AGAP1: variants seen among roughly 807,000 people sequenced by gnomAD.
The protein encoded by AGAP1 is ArfGAP with GTPase domain, ankyrin repeat and PH domain 1.
Under a neutral mutation model 105.3 loss-of-function variants are expected in AGAP1, and 29 were observed. That is an observed-to-expected ratio of 0.28 (90% CI 0.21 to 0.38). AGAP1 has a LOEUF of 0.38. AGAP1 is among the 10% of genes least tolerant of loss of function. The pLI is 1.00. For missense variants in AGAP1, 998 were observed against 1,165.1 expected, an observed-to-expected ratio of 0.86 and a Z score of 2.09; for synonymous variants, 509 against 485.9, an observed-to-expected ratio of 1.05 and a Z score of -0.63.
Position 235,633,455 on chromosome 2 carries a change from A to G in AGAP1, c.164-75724A>G, listed in dbSNP as rs979013585. ...CTAAAAATACAAAAATTAGCCAGGC[A>G]TGGTGGCGGGCTCCTGTAATTCCAG... On this transcript the variant is annotated intron_variant, in intron 1 of 17. Coordinates refer to ENST00000304032, the MANE Select transcript of AGAP1 (RefSeq NM_001037131.3). The surrounding 1 kb of genome is among the most constrained non-coding windows in gnomAD (Gnocchi z 4.8). Among the ~76,000 whole-genome samples, 2 of 152,138 alleles carry G rather than the reference A, an allele frequency of 1.3e-5. No individual in the cohort carries two copies. The highest frequency in any genetic ancestry group is 1.3e-4 in the Admixed American group (2 of 15,276).
chr2:235,759,315 CCTG>C (rs1954217706), intron 6 of AGAP1, among the ~76,000 whole-genome samples: 1 of 151,936 alleles, frequency 6.6e-6, no homozygotes, highest in African/African-American at 2.4e-5. Flanking sequence ...ACTACAGGCG[CCTG>C]CCACCACGCC....
In AGAP1 at chr2:236,098,072, A is replaced by G. The variant is rs573456884; in HGVS notation, c.2115-22120A>G. 7.9e-5 allele frequency among the ~76,000 whole-genome samples: 12 copies of G among 152,298 alleles called. No individual in the cohort carries two copies. In the East Asian group the frequency reaches 2.3e-3, roughly 29 times the overall value. Reference sequence around the variant, plus strand: ...CGTGTGGATAGAGCACATTTTGCTTATCTAAACTTTTGTCAATGAACACTT... The same window carrying G: ...CGTGTGGATAGAGCACATTTTGCTTGTCTAAACTTTTGTCAATGAACACTT... On this transcript the variant is annotated intron_variant, in intron 16 of 17. Transcript: ENST00000304032.
At chr2:236,065,982 A>G (rs2058334595) in intron 16 of AGAP1, among the ~76,000 whole-genome samples, 1 of 152,198 alleles carries the variant, frequency 6.6e-6, no homozygotes, top group African/African-American at 2.4e-5. Flanking sequence ...TGTGGTCGGC[A>G]TGTGTCAGCA....
intron 13 of AGAP1, among the ~76,000 whole-genome samples, chr2:235,984,802 A>G (rs910394084): frequency 1.2e-4 from 18 of 152,068 alleles, no homozygotes; most frequent in African/African-American, 4.1e-4. Flanking sequence ...TTATGGCTGC[A>G]TAGTATTCCA....
rs773113522 is a variant in AGAP1, at chr2:236,050,471, A to G, written c.2114+1190A>G. ...ATGCTCTATAGTGTAGACAGGGGTA[A>G]GTTTCTTACAAACCGAAGAAATTAT... On this transcript the variant is annotated intron_variant, in intron 16 of 17. Coordinates refer to ENST00000304032, the MANE Select transcript of AGAP1 (RefSeq NM_001037131.3). The surrounding 1 kb of genome is among the most constrained non-coding windows in gnomAD (Gnocchi z 4.0). Among the ~76,000 whole-genome samples, 1 of 152,146 alleles carries G rather than the reference A, an allele frequency of 6.6e-6. No individual in the cohort carries two copies. Among genetic ancestry groups the G allele is most frequent in the Admixed American group, 6.5e-5 (1 of 15,280 alleles).
At chr2:235,974,966 A>T (rs779951763) in intron 13 of AGAP1, among the ~76,000 whole-genome samples, 2 of 152,246 alleles carry the variant, frequency 1.3e-5, no homozygotes, top group Non-Finnish European at 2.9e-5. Flanking sequence ...GTCAGGCAGA[A>T]TATTCGAGAA....
chr2:235,920,271 A>G (rs1559647973), intron 11 of AGAP1, among the ~76,000 whole-genome samples: 1 of 152,170 alleles, frequency 6.6e-6, no homozygotes, highest in African/African-American at 2.4e-5. Context: ...AGCGTCTGAC[A>G]TGGTAAATAT....
chr2:235,674,018 G>A (rs893689127), intron 1 of AGAP1, among the ~76,000 whole-genome samples: 1 of 152,230 alleles, frequency 6.6e-6, no homozygotes, highest in Non-Finnish European at 1.5e-5. Context: ...TCCTACATAC[G>A]TGTACCTTTG....
At position 235,642,472 on chromosome 2, in the gene AGAP1, G is replaced by A. The variant is rs1947230049; in HGVS notation, c.164-66707G>A. Reference sequence around the variant, plus strand: ...CCACAGCAGCAGCCCTCTGGATGGGGATTTGGGTCTTGGTTTTGCCAGCAC... The same window carrying A: ...CCACAGCAGCAGCCCTCTGGATGGGAATTTGGGTCTTGGTTTTGCCAGCAC... On this transcript the variant is annotated intron_variant, in intron 1 of 17. Coordinates refer to ENST00000304032, the MANE Select transcript of AGAP1 (RefSeq NM_001037131.3). The surrounding 1 kb of genome is among the most constrained non-coding windows in gnomAD (Gnocchi z 4.1). Among the ~76,000 whole-genome samples the A allele has an allele frequency of 1.4e-5, 2 of 144,262 alleles. No individual in the cohort carries two copies. The highest frequency in any genetic ancestry group is 6.9e-5 in the Admixed American group (1 of 14,468). The allele number at this position is 144,262 out of a possible 152,430, so 94.6% of individuals were successfully genotyped here.
At chr2:235,583,129 AG>A (rs1944988651) in intron 1 of AGAP1, among the ~76,000 whole-genome samples, 4 of 152,358 alleles carry the variant, frequency 2.6e-5, no homozygotes, top group African/African-American at 9.6e-5. Flanking sequence ...CAAGTGGGCC[AG>A]GGTCAGGTGT....
At chr2:235,544,883 C>T (rs895807883) in intron 1 of AGAP1, among the ~76,000 whole-genome samples, 11 of 152,082 alleles carry the variant, frequency 7.2e-5, no homozygotes, top group African/African-American at 2.2e-4. Context: ...TCTCAATACT[C>T]GAGTATTCTT....
intron 16 of AGAP1, among the ~76,000 whole-genome samples, chr2:236,112,866 G>A (rs906568953): frequency 2.6e-5 from 4 of 152,222 alleles, no homozygotes; most frequent in Admixed American, 2.0e-4. Context: ...GAAGGCGGGG[G>A]CCAGATTGGG....
chr2:235,730,013 G>A (rs1489857555), intron 3 of AGAP1, among the ~76,000 whole-genome samples: 1 of 152,040 alleles, frequency 6.6e-6, no homozygotes, highest in African/African-American at 2.4e-5. Context: ...GGATTTCTTA[G>A]TTTCTCCATG....
intron 9 of AGAP1, among the ~76,000 whole-genome samples, chr2:235,829,130 C>T (rs1959183543): frequency 6.6e-6 from 1 of 152,212 alleles, no homozygotes; most frequent in Non-Finnish European, 1.5e-5. Context: ...ACCTGCGTTT[C>T]CCTGTTTGTT....
intron 16 of AGAP1, among the ~76,000 whole-genome samples, chr2:236,064,327 C>T (rs566840347): frequency 6.6e-6 from 1 of 152,228 alleles, no homozygotes; most frequent in Non-Finnish European, 1.5e-5. Flanking sequence ...CCGTGGCTCG[C>T]GCCTGTAATC....
chr2:235,506,213 G>A (rs1345393804), intron 1 of AGAP1, among the ~76,000 whole-genome samples: 1 of 152,182 alleles, frequency 6.6e-6, no homozygotes, highest in Non-Finnish European at 1.5e-5. Flanking sequence ...TTACAGGCAT[G>A]AGCCACTGTG....
intron 16 of AGAP1, among the ~76,000 whole-genome samples, chr2:236,086,222 G>A (rs1250472440): frequency 1.3e-5 from 2 of 152,142 alleles, no homozygotes; most frequent in Admixed American, 6.5e-5. Flanking sequence ...ACATGACTGC[G>A]TAATTTTATC....
rs1448118309 is a variant in AGAP1, at chr2:236,056,202, T to C, written c.2114+6921T>C. The stretch of plus-strand genomic sequence containing the variant: ...TTTCAAGGATAACTATACTTGCATT[T>C]GCCTTTGAACCAGACAGACAGAATG... On this transcript the variant is annotated intron_variant, in intron 16 of 17. Transcript: ENST00000304032. This position sits in a 1 kb window ranked among gnomAD's most constrained non-coding sequence, Gnocchi z 4.6. Among the ~76,000 whole-genome samples, 1 of 152,198 alleles carries C rather than the reference T, an allele frequency of 6.6e-6. No homozygotes were observed. The highest frequency in any genetic ancestry group is 1.5e-5 in the Non-Finnish European group (1 of 68,028).
chr2:236,026,387 C>G lies in AGAP1; in HGVS notation c.1646-10174C>G, dbSNP rs192553110. On this transcript the variant is annotated intron_variant, in intron 13 of 17. Coordinates refer to ENST00000304032, the MANE Select transcript of AGAP1 (RefSeq NM_001037131.3). ...CACCACCTCTGTGTACCATGTCCCC[C>G]AGCATTTACCAGACTGACCTGATTG... 2.6e-5 allele frequency among the ~76,000 whole-genome samples: 4 copies of G among 152,324 alleles called. No homozygotes were observed. The East Asian group carries it at 7.7e-4, about 30-fold the overall frequency.
Sources: allele counts gnomAD v4.1 joint callset (sites outside exome capture counted in the v4.1 genomes callset), GRCh38; gene constraint gnomAD v4.1.1; non-coding constraint Gnocchi (gnomAD v3.1); transcripts MANE v1.5; gene names NCBI Gene and HGNC (gene_info 2026-07-23, HGNC 2026-07-21).